SNX6: variants seen among roughly 807,000 people sequenced by gnomAD.
SNX6 encodes the protein sorting nexin 6, also known as sorting nexin-6.
Under a neutral mutation model 63.0 loss-of-function variants are expected in SNX6, and 34 were observed. The observed-to-expected ratio is 0.54, with a 90% CI of 0.41 to 0.72. The LOEUF (loss-of-function observed/expected upper bound fraction) is 0.72, where lower values mean the gene tolerates loss of function less well. Among genes scored for constraint, SNX6 ranks in the 30% least tolerant of loss-of-function variants. SNX6 has a pLI of 0.00. For missense variants in SNX6, 398 were observed against 471.4 expected, an observed-to-expected ratio of 0.84 and a Z score of 1.44; for synonymous variants, 170 against 164.2, an observed-to-expected ratio of 1.04 and a Z score of -0.27.
chr14:34,600,560 GACTT>G (rs1882771518), intron 6 of SNX6, among the ~76,000 whole-genome samples: 1 of 151,914 alleles, frequency 6.6e-6, no homozygotes, highest in Admixed American at 6.6e-5. Context: ...TTAAAGGTGT[GACTT>G]ACTACAACTG....
chr14:34,602,099 G>T (rs933438898), intron 6 of SNX6, among the ~76,000 whole-genome samples: 2 of 151,066 alleles, frequency 1.3e-5, no homozygotes, highest in Non-Finnish European at 1.5e-5. Flanking sequence ...AGACCAGCCT[G>T]GCCAACATGG....
chr14:34,621,596 G>C (rs1883621452), intron 2 of SNX6, among the ~76,000 whole-genome samples: 1 of 152,126 alleles, frequency 6.6e-6, no homozygotes, highest in African/African-American at 2.4e-5. Context: ...AGTTTGGTGG[G>C]GGCAGGTTAG....
chr14:34,594,992 T>G (rs6571665), intron 7 of SNX6, among the ~76,000 whole-genome samples: 1 of 151,748 alleles, frequency 6.6e-6, no homozygotes, highest in African/African-American at 2.4e-5. Context: ...CTTGGGAGGT[T>G]GAAGTGGGAG....
intron 2 of SNX6, among the ~76,000 whole-genome samples, chr14:34,611,741 ACT>A (rs894074296): frequency 9.0e-6 from 1 of 110,988 alleles, no homozygotes; most frequent in African/African-American, 3.5e-5. Flanking sequence ...ACAGTAAGAC[ACT>A]GTCTCAAAAA....
In SNX6 at chr14:34,562,747, C is replaced by T. The variant is rs1336683499; in HGVS notation, c.*375G>A. ...AAAGGCAATCTTTATCTTGTTTCAA[C>T]AATGCATTCTGAAAAGGTTAAATTT... On this transcript the variant is annotated 3_prime_UTR_variant, in exon 14 of 14. Transcript: ENST00000362031. 5.5e-6 allele frequency: 1 copy of T among 182,910 alleles called. No homozygotes were observed. Among genetic ancestry groups the T allele is most frequent in the East Asian group, 1.3e-4 (1 of 7,476 alleles). 11.3% of individuals were successfully genotyped at this position (182,910 alleles called of 1,614,324 possible). A position where few individuals can be genotyped will look rare whatever the true frequency, so the allele number is the denominator to read the frequency against.
intron 10 of SNX6, among the ~76,000 whole-genome samples, chr14:34,580,408 C>G (rs1404466495): frequency 1.3e-5 from 2 of 152,068 alleles, no homozygotes; most frequent in Non-Finnish European, 2.9e-5. Flanking sequence ...GCTCAAGAAT[C>G]TTCCTGCCTC....
Position 34,566,324 on chromosome 14 carries a change from T to C in SNX6, c.1167+1362A>G, listed in dbSNP as rs537632097. On this transcript the variant is annotated intron_variant, in intron 13 of 13. Transcript: ENST00000362031. ...GCCTCCTGGGTTTAAGCAACTGTCCTGCCTCAGCCTCCCAAGTAGCTGGGA... is the reference window on the plus strand; with the variant it reads ...GCCTCCTGGGTTTAAGCAACTGTCCCGCCTCAGCCTCCCAAGTAGCTGGGA... Among the ~76,000 whole-genome samples, 45 of 151,958 alleles carry C rather than the reference T, an allele frequency of 3.0e-4. No homozygotes were observed. In the East Asian group the frequency reaches 7.4e-3, roughly 25 times the overall value.
In SNX6 at chr14:34,603,329, C is replaced by A; in HGVS notation, c.516+19G>T. ...AAGAAGAAAAAGAAAACTTGACCAC[C>A]AATCAATGTGATACTCACATCTTGA... On this transcript the variant is annotated intron_variant, in intron 6 of 13. Coordinates refer to ENST00000362031, the MANE Select transcript of SNX6 (RefSeq NM_152233.4). 2 of 1,572,382 alleles carry A rather than the reference C, an allele frequency of 1.3e-6. No individual in the cohort carries two copies. Among genetic ancestry groups the A allele is most frequent in the Non-Finnish European group, 1.7e-6 (2 of 1,166,400 alleles).
At chr14:34,565,716 G>A (rs12878227) in intron 13 of SNX6, among the ~76,000 whole-genome samples, 55,862 of 144,660 alleles carry the variant, frequency 0.39, 12,140 homozygotes, top group East Asian at 0.74. Context: ...TTGAGACGGA[G>A]TCTCACTCTG....
chr14:34,565,223 G>A (rs544271789), intron 13 of SNX6, among the ~76,000 whole-genome samples: 4 of 151,622 alleles, frequency 2.6e-5, no homozygotes, highest in South Asian at 4.2e-4. Flanking sequence ...GACTACAGGC[G>A]CCCGCCACCA....
chr14:34,593,211 ATAAC>A, intron 7 of SNX6, 61 bp from the exon 8 acceptor site: 3 of 948,634 alleles, frequency 3.2e-6, no homozygotes, highest in South Asian at 1.6e-5. Context: ...TTATATGTAA[ATAAC>A]TATCATTATA....
At chr14:34,576,840 T>C (rs1881728841) in intron 10 of SNX6, among the ~76,000 whole-genome samples, 1 of 151,132 alleles carries the variant, frequency 6.6e-6, no homozygotes, top group Admixed American at 6.6e-5. Context: ...TCCTGGCACT[T>C]TGGGAGGCCG....
intron 2 of SNX6, among the ~76,000 whole-genome samples, chr14:34,611,748 C>CAAA (rs1171892665): frequency 0.043 from 4,629 of 106,974 alleles, 322 homozygotes; most frequent in African/African-American, 0.15. Context: ...GACACTGTCT[C>CAAA]AAAAAAAAAA....
At chr14:34,568,825 T>C (rs878994030) in intron 11 of SNX6, 3 of 1,034,094 alleles carry the variant, frequency 2.9e-6, no homozygotes, top group Non-Finnish European at 4.5e-6. Flanking sequence ...GAGGACCCGG[T>C]GGGCCACATT....
chr14:34,573,523 C>T (rs987895557), intron 11 of SNX6, among the ~76,000 whole-genome samples: 1 of 151,778 alleles, frequency 6.6e-6, no homozygotes, highest in South Asian at 2.1e-4. Flanking sequence ...TGCCATAACC[C>T]AAGATCATGC....
rs1386917230 is a variant in SNX6, at chr14:34,630,061, C to T, written c.6+50G>A. On this transcript the variant is annotated intron_variant, in intron 1 of 13. Transcript: ENST00000362031. ...CGCGGTCCCCGCGCCCGCCCCGCGC[C>T]CGCTGCCCCCACCGCGCTCCCGGGA... The T allele has an allele frequency of 2.1e-6, 3 of 1,459,240 alleles. 1 individual carries two copies. In the South Asian group the frequency reaches 4.1e-5, roughly 20 times the overall value. 90.4% of individuals were successfully genotyped at this position (1,459,240 alleles called of 1,614,324 possible).
chr14:34,581,424 T>C (rs1881929546), intron 10 of SNX6, 137 bp downstream of exon 10: 1 of 474,390 alleles, frequency 2.1e-6, no homozygotes, highest in Non-Finnish European at 4.0e-6. Context: ...AGTGTTGGGA[T>C]TACAGGCACG....
chr14:34,585,559 A>T (rs2138302941), intron 9 of SNX6, among the ~76,000 whole-genome samples: 1 of 152,238 alleles, frequency 6.6e-6, no homozygotes, highest in South Asian at 2.1e-4. Context: ...TATTGTGTGC[A>T]TCCAGGCTGC....
chr14:34,619,427 A>AT (rs1555328600), intron 2 of SNX6, among the ~76,000 whole-genome samples: 7 of 150,916 alleles, frequency 4.6e-5, no homozygotes, highest in African/African-American at 1.7e-4. Context: ...GTCTCAAAAA[A>AT]ATATATATAT....
Sources: gnomAD v4.1 joint callset for allele counts (sites outside exome capture counted in the v4.1 genomes callset) on GRCh38, gnomAD v4.1.1 for gene constraint, MANE v1.5 for transcripts, NCBI Gene and HGNC (gene_info 2026-07-23, HGNC 2026-07-21) for gene names.